The following MCPH1 variants were observed in gnomAD, a reference collection of about 807,000 sequenced individuals.
The protein encoded by MCPH1 is microcephalin 1.
A neutral mutation model predicts 84.5 loss-of-function variants in MCPH1; 104 were observed. The observed-to-expected ratio is 1.23, with a 90% CI of 1.05 to 1.45. The LOEUF (loss-of-function observed/expected upper bound fraction) is 1.45, where lower values mean the gene tolerates loss of function less well. MCPH1 is among the 40% of genes most tolerant of loss of function. MCPH1 has a pLI of 0.00. For missense variants in MCPH1, 1,498 were observed against 1,005.7 expected, an observed-to-expected ratio of 1.49 and a Z score of -6.62; for synonymous variants, 514 against 366.8, an observed-to-expected ratio of 1.40 and a Z score of -4.58.
intron 13 of MCPH1, among the ~76,000 whole-genome samples, chr8:6,641,480 G>A (rs866975283): frequency 6.6e-6 from 1 of 152,226 alleles, no homozygotes; most frequent in South Asian, 2.1e-4. Context: ...GGTGGGTTAT[G>A]TCTATAATCC....
At chr8:6,477,704 C>A in intron 10 of MCPH1, 73 bp downstream of exon 10, 1 of 1,247,566 alleles carries the variant, frequency 8.0e-7, no homozygotes, top group Non-Finnish European at 1.2e-6. Flanking sequence ...ATTCTGGGTG[C>A]CTTTAGGCAA....
At chr8:6,530,033 A>T (rs1415312074) in intron 12 of MCPH1, among the ~76,000 whole-genome samples, 8 of 152,020 alleles carry the variant, frequency 5.3e-5, no homozygotes, top group Admixed American at 2.0e-4. Context: ...ATTTTTGCCA[A>T]GTTCCCATGC....
At chr8:6,637,340 T>C (rs559026477) in intron 13 of MCPH1, among the ~76,000 whole-genome samples, 1 of 152,278 alleles carries the variant, frequency 6.6e-6, no homozygotes, top group South Asian at 2.1e-4. Context: ...GTGAGTGGCA[T>C]TTGAGCTGAG....
intron 12 of MCPH1, among the ~76,000 whole-genome samples, chr8:6,506,523 C>T (rs1586201132): frequency 6.6e-6 from 1 of 152,192 alleles, no homozygotes; most frequent in Non-Finnish European, 1.5e-5. Context: ...GCACACCCTT[C>T]TCAAGGAGAG....
intron 12 of MCPH1, among the ~76,000 whole-genome samples, chr8:6,533,541 G>A (rs1009492287): frequency 8.3e-5 from 12 of 143,876 alleles, no homozygotes; most frequent in African/African-American, 2.3e-4. Context: ...TTGTGTATGC[G>A]TAACTCCAGA....
chr8:6,479,357 C>G (rs940665415), intron 10 of MCPH1, among the ~76,000 whole-genome samples: 1 of 151,798 alleles, frequency 6.6e-6, no homozygotes, highest in Admixed American at 6.6e-5. Context: ...ACCTCTTCCC[C>G]TTTGTAATAT....
chr8:6,609,823 C>CA (rs761755879), intron 12 of MCPH1, among the ~76,000 whole-genome samples: 1 of 126,494 alleles, frequency 7.9e-6, no homozygotes, highest in Non-Finnish European at 1.9e-5. Flanking sequence ...CCCCCCGCCC[C>CA]CCCCCCACAC....
chr8:6,413,383 G>T (rs936105805), intron 2 of MCPH1, among the ~76,000 whole-genome samples: 1 of 149,684 alleles, frequency 6.7e-6, no homozygotes, highest in African/African-American at 2.5e-5. Flanking sequence ...GTGTAGTGCT[G>T]TTTTCGTTCT....
chr8:6,514,544 C>G, intron 12 of MCPH1: 2 of 771,910 alleles, frequency 2.6e-6, no homozygotes, highest in South Asian at 3.3e-5. Flanking sequence ...AAAGGGGAGA[C>G]TGAAGCACCA....
intron 2 of MCPH1, among the ~76,000 whole-genome samples, chr8:6,414,225 C>G (rs1798934277): frequency 6.6e-6 from 1 of 152,192 alleles, no homozygotes; most frequent in East Asian, 1.9e-4. Flanking sequence ...CTAGGCTGGT[C>G]TCAAACTGCT....
chr8:6,635,503 G>A (rs190662303), intron 13 of MCPH1: 3 of 152,336 alleles, frequency 2.0e-5, no homozygotes, highest in East Asian at 3.9e-4. Flanking sequence ...GCTGAGGTAA[G>A]AGTCTTGCCT....
chr8:6,429,251 C>T (rs1181986736), intron 3 of MCPH1, among the ~76,000 whole-genome samples: 1 of 152,152 alleles, frequency 6.6e-6, no homozygotes, highest in Non-Finnish European at 1.5e-5. Flanking sequence ...GGCCTGGTGT[C>T]CTTTGAGTCC....
chr8:6,509,054 A>G (rs1814383397), intron 12 of MCPH1: 3 of 1,613,982 alleles, frequency 1.9e-6, no homozygotes, highest in Non-Finnish European at 1.7e-6. Context: ...AAGTCCTTTA[A>G]GGTGAATCCT....
chr8:6,523,717 G>C (rs1285631136), intron 12 of MCPH1, among the ~76,000 whole-genome samples: 1 of 152,096 alleles, frequency 6.6e-6, no homozygotes, highest in African/African-American at 2.4e-5. Flanking sequence ...AGCCTCCTGA[G>C]TAGTTAGGAT....
chr8:6,506,605 ACCCTTT>A (rs1346649343), intron 12 of MCPH1, among the ~76,000 whole-genome samples: 2 of 152,024 alleles, frequency 1.3e-5, no homozygotes, highest in African/African-American at 4.8e-5. Flanking sequence ...CCTCCACCTG[ACCCTTT>A]CCCTGCTGTT....
At chr8:6,639,246 T>C (rs541641569) in intron 13 of MCPH1, among the ~76,000 whole-genome samples, 2 of 152,298 alleles carry the variant, frequency 1.3e-5, no homozygotes, top group East Asian at 1.9e-4. Flanking sequence ...TTTGATTTCA[T>C]AGTCAAAGAA....
chr8:6,486,339 C>G (rs1211743757), intron 11 of MCPH1, among the ~76,000 whole-genome samples: 1 of 152,024 alleles, frequency 6.6e-6, no homozygotes, highest in East Asian at 1.9e-4. Context: ...CCTTCTAACC[C>G]TGTCTCCAAT....
intron 11 of MCPH1, among the ~76,000 whole-genome samples, chr8:6,484,141 G>A (rs753374555): frequency 2.0e-5 from 3 of 152,050 alleles, no homozygotes; most frequent in Non-Finnish European, 4.4e-5. Context: ...AGAAGAAAAC[G>A]TTTGCAAATC....
chr8:6,542,289 G>C (rs1049086225), intron 12 of MCPH1, among the ~76,000 whole-genome samples: 2 of 150,272 alleles, frequency 1.3e-5, no homozygotes. Context: ...ATGTGAGGTA[G>C]GGGTGTGTGT....
Sources: gnomAD v4.1 joint callset for allele counts (sites outside exome capture counted in the v4.1 genomes callset) on GRCh38, gnomAD v4.1.1 for gene constraint, MANE v1.5 for transcripts, NCBI Gene and HGNC (gene_info 2026-07-23, HGNC 2026-07-21) for gene names.